Variants in CAMKMT observed in about 807,000 individuals in gnomAD.
The protein encoded by CAMKMT is calmodulin-lysine N-methyltransferase.
CAMKMT carries 53 observed loss-of-function variants against 48.0 expected under a neutral mutation model. That is an observed-to-expected ratio of 1.10 (90% CI 0.89 to 1.39). The LOEUF is 1.39. CAMKMT is among the 40% of genes most tolerant of loss of function. CAMKMT has a pLI of 0.00. For missense variants in CAMKMT, 428 were observed against 402.7 expected (o/e 1.06, Z -0.54); for synonymous variants, 165 against 152.3 (o/e 1.08, Z -0.61).
At chr2:44,749,643 G>A (rs978675308) in intron 8 of CAMKMT, among the ~76,000 whole-genome samples, 2 of 152,130 alleles carry the variant, frequency 1.3e-5, no homozygotes, top group Non-Finnish European at 2.9e-5. Context: ...AGTCATATAG[G>A]TGGGTGTTTA....
intron 3 of CAMKMT, among the ~76,000 whole-genome samples, chr2:44,668,753 T>C (rs1309431347): frequency 6.6e-6 from 1 of 152,162 alleles, no homozygotes; most frequent in Non-Finnish European, 1.5e-5. Context: ...TCTCAAATTT[T>C]TGCCATCATT....
At chr2:44,543,404 G>A (rs1305401638) in intron 3 of CAMKMT, among the ~76,000 whole-genome samples, 1 of 152,108 alleles carries the variant, frequency 6.6e-6, no homozygotes, top group Non-Finnish European at 1.5e-5. Flanking sequence ...GATTAGTTAT[G>A]CTTTTAATTT....
In CAMKMT at chr2:44,657,140, C is replaced by G. The variant is rs1330782116; in HGVS notation, c.377-47143C>G. ...CTAATGTGCTGGTCAGAGTGCAGCC[C>G]CACCTGAAATCCAGTTTGTATGAGA... On this transcript the variant is annotated intron_variant, in intron 3 of 10. Transcript: ENST00000378494. This position sits in a 1 kb window ranked among gnomAD's most constrained non-coding sequence, Gnocchi z 4.3. 6.6e-6 allele frequency among the ~76,000 whole-genome samples: 1 copy of G among 152,154 alleles called. No individual in the cohort carries two copies. The highest frequency in any genetic ancestry group is 1.5e-5 in the Non-Finnish European group (1 of 68,030).
chr2:44,468,612 A>T (rs1668251927), intron 3 of CAMKMT, among the ~76,000 whole-genome samples: 1 of 152,194 alleles, frequency 6.6e-6, no homozygotes, highest in African/African-American at 2.4e-5. Context: ...GTTCATCTAG[A>T]GATGGATAGA....
intron 3 of CAMKMT, among the ~76,000 whole-genome samples, chr2:44,392,286 A>T (rs1681418914): frequency 6.6e-6 from 1 of 152,152 alleles, no homozygotes; most frequent in Non-Finnish European, 1.5e-5. Flanking sequence ...TGGTGACAAA[A>T]ATAAGACCTC....
intron 3 of CAMKMT, among the ~76,000 whole-genome samples, chr2:44,497,709 A>AGAGAGAGAGAG (rs1558657751): frequency 1.2e-4 from 16 of 138,990 alleles, no homozygotes; most frequent in African/African-American, 3.7e-4. Flanking sequence ...TAAGCAGGCA[A>AGAGAGAGAGAG]AGAGAGAGAG....
intron 3 of CAMKMT, among the ~76,000 whole-genome samples, chr2:44,562,704 A>G (rs1668386309): frequency 6.6e-6 from 1 of 152,096 alleles, no homozygotes; most frequent in Non-Finnish European, 1.5e-5. Context: ...AGGATTACAG[A>G]TGCCTGCCAC....
At chr2:44,465,117 T>G (rs1209290189) in intron 3 of CAMKMT, among the ~76,000 whole-genome samples, 2 of 152,160 alleles carry the variant, frequency 1.3e-5, no homozygotes, top group African/African-American at 4.8e-5. Flanking sequence ...ATACGTAATT[T>G]GTGACACTGG....
intron 3 of CAMKMT, chr2:44,457,037 G>A (rs1667599691): frequency 6.5e-6 from 1 of 154,912 alleles, no homozygotes; most frequent in Non-Finnish European, 1.4e-5. Context: ...ATTTATATTT[G>A]TATGTAAGTA....
intron 3 of CAMKMT, among the ~76,000 whole-genome samples, chr2:44,548,113 C>T (rs1235248595): frequency 6.6e-6 from 1 of 152,154 alleles, no homozygotes; most frequent in African/African-American, 2.4e-5. Context: ...TAATGCTTGC[C>T]TTCAAATGGG....
chr2:44,370,783 A>G (rs1460954913), intron 1 of CAMKMT, among the ~76,000 whole-genome samples: 1 of 151,954 alleles, frequency 6.6e-6, no homozygotes, highest in African/African-American at 2.4e-5. Context: ...ATGTATTTCT[A>G]TTGTCATTCA....
intron 3 of CAMKMT, among the ~76,000 whole-genome samples, chr2:44,417,772 C>T (rs567067636): frequency 6.4e-4 from 98 of 152,274 alleles, no homozygotes; most frequent in South Asian, 1.7e-3. Flanking sequence ...TATCTCATTG[C>T]GGTTCTATGC....
chr2:44,544,087 T>G (rs1333601401), intron 3 of CAMKMT, among the ~76,000 whole-genome samples: 2 of 152,090 alleles, frequency 1.3e-5, no homozygotes, highest in Non-Finnish European at 2.9e-5. Context: ...TTGAGTAGGC[T>G]TAATGTTCTT....
At chr2:44,435,479 C>T (rs577517844) in intron 3 of CAMKMT, among the ~76,000 whole-genome samples, 2 of 152,312 alleles carry the variant, frequency 1.3e-5, no homozygotes, top group African/African-American at 4.8e-5. Context: ...TAATGATGTT[C>T]TTATCCTTAA....
intron 3 of CAMKMT, among the ~76,000 whole-genome samples, chr2:44,427,781 A>G (rs1260848074): frequency 1.3e-5 from 2 of 152,164 alleles, no homozygotes; most frequent in Non-Finnish European, 2.9e-5. Flanking sequence ...TTGTGGCCCA[A>G]ACCAGACCAT....
At chr2:44,527,255 C>G (rs192832600) in intron 3 of CAMKMT, among the ~76,000 whole-genome samples, 2 of 144,670 alleles carry the variant, frequency 1.4e-5, no homozygotes, top group African/African-American at 5.1e-5. Flanking sequence ...GCCACCATAT[C>G]TGGCAATATA....
intron 3 of CAMKMT, among the ~76,000 whole-genome samples, chr2:44,497,353 T>G (rs1256573413): frequency 1.3e-5 from 2 of 152,132 alleles, no homozygotes; most frequent in Non-Finnish European, 2.9e-5. Context: ...TAGCCAGAGT[T>G]GGAAGAAAGT....
At chr2:44,430,169 C>T (rs565768651) in intron 3 of CAMKMT, among the ~76,000 whole-genome samples, 1 of 152,046 alleles carries the variant, frequency 6.6e-6, no homozygotes, top group Non-Finnish European at 1.5e-5. Flanking sequence ...AAAGAATAAC[C>T]TGCCTTGTAG....
At chr2:44,543,355 G>A (rs560896794) in intron 3 of CAMKMT, among the ~76,000 whole-genome samples, 1 of 152,230 alleles carries the variant, frequency 6.6e-6, no homozygotes, top group East Asian at 1.9e-4. Flanking sequence ...ACATTTCCCT[G>A]TATTAAAGCA....
Sources: gnomAD v4.1 joint callset for allele counts (sites outside exome capture counted in the v4.1 genomes callset) on GRCh38, gnomAD v4.1.1 for gene constraint, Gnocchi (gnomAD v3.1) non-coding constraint, MANE v1.5 for transcripts, NCBI Gene and HGNC (gene_info 2026-07-23, HGNC 2026-07-21) for gene names.